GULP1: variants seen among roughly 807,000 people sequenced by gnomAD.
GULP1 encodes GULP PTB domain containing engulfment adaptor 1.
Under a neutral mutation model 40.9 loss-of-function variants are expected in GULP1, and 19 were observed. The ratio of observed to expected loss-of-function variants is 0.46; its 90% CI spans 0.32 to 0.68. GULP1 has a LOEUF of 0.68. GULP1 is among the 30% of genes least tolerant of loss of function. The pLI, the probability that GULP1 is intolerant of heterozygous loss-of-function variation, is 0.03. For synonymous variants in GULP1, 119 were observed against 117.6 expected (o/e 1.01, Z -0.08); for missense variants, 312 against 362.2 (o/e 0.86, Z 1.12).
At chr2:188,545,058 G>C (rs548697020) in intron 7 of GULP1, among the ~76,000 whole-genome samples, 1 of 151,936 alleles carries the variant, frequency 6.6e-6, no homozygotes, top group East Asian at 1.9e-4. Context: ...AAACCATGAA[G>C]GCAAGAAGGA....
At chr2:188,449,085 T>G (rs2058630249) in intron 2 of GULP1, among the ~76,000 whole-genome samples, 1 of 152,140 alleles carries the variant, frequency 6.6e-6, no homozygotes, top group Non-Finnish European at 1.5e-5. Context: ...ACAGAAAATA[T>G]GTGAAAGTGC....
At chr2:188,308,114 T>A (rs1444960238) in intron 1 of GULP1, among the ~76,000 whole-genome samples, 1 of 19,004 alleles carries the variant, frequency 5.3e-5, no homozygotes, top group Admixed American at 6.3e-4. Context: ...TTTTAGGTCA[T>A]TTTTTTTTTT....
intron 1 of GULP1, among the ~76,000 whole-genome samples, chr2:188,379,145 C>T (rs1459060303): frequency 6.6e-6 from 1 of 152,068 alleles, no homozygotes. Context: ...ATTTCCTGCC[C>T]TTGAGAGCTT....
intron 5 of GULP1, among the ~76,000 whole-genome samples, chr2:188,523,257 A>G (rs1185661639): frequency 1.3e-5 from 2 of 152,318 alleles, no homozygotes; most frequent in East Asian, 3.9e-4. Context: ...AGAATTTTGC[A>G]GTGACACTGT....
chr2:188,507,886 T>C (rs1456327797), intron 4 of GULP1, among the ~76,000 whole-genome samples: 1 of 152,020 alleles, frequency 6.6e-6, no homozygotes, highest in African/African-American at 2.4e-5. Context: ...AAATATTTGA[T>C]ATATTAATCA....
chr2:188,433,425 TTA>T (rs1267715847), intron 2 of GULP1, among the ~76,000 whole-genome samples: 1 of 152,050 alleles, frequency 6.6e-6, no homozygotes, highest in Non-Finnish European at 1.5e-5. Flanking sequence ...TTGAAATTGA[TTA>T]TGAGAGAAAA....
chr2:188,428,763 T>G (rs1295496929), intron 2 of GULP1, among the ~76,000 whole-genome samples: 1 of 152,142 alleles, frequency 6.6e-6, no homozygotes, highest in Non-Finnish European at 1.5e-5. Flanking sequence ...TTAACCAGAT[T>G]CAGGTGTTTC....
At chr2:188,305,846 T>C (rs891724798) in intron 1 of GULP1, among the ~76,000 whole-genome samples, 1 of 152,186 alleles carries the variant, frequency 6.6e-6, no homozygotes, top group African/African-American at 2.4e-5. Flanking sequence ...GGCGCAATCT[T>C]GGCTCACTGC....
intron 4 of GULP1, among the ~76,000 whole-genome samples, chr2:188,511,674 A>G (rs2064560115): frequency 6.6e-6 from 1 of 152,154 alleles, no homozygotes; most frequent in South Asian, 2.1e-4. Flanking sequence ...TTGGACTTAA[A>G]CATGGAAATT....
chr2:188,569,878 C>T (rs1034146704), intron 8 of GULP1, 150 bp from the exon 9 acceptor site: 1 of 516,772 alleles, frequency 1.9e-6, no homozygotes, highest in Non-Finnish European at 3.4e-6. Context: ...AATCCTCCAG[C>T]ATTTCCCAAG....
At chr2:188,454,215 A>G (rs751455202) in intron 2 of GULP1, among the ~76,000 whole-genome samples, 2 of 152,130 alleles carry the variant, frequency 1.3e-5, no homozygotes, top group African/African-American at 2.4e-5. Flanking sequence ...GAATAATTTT[A>G]TTGAGTGATG....
intron 1 of GULP1, among the ~76,000 whole-genome samples, chr2:188,352,652 T>A (rs911903570): frequency 2.6e-5 from 1 of 38,214 alleles, no homozygotes; most frequent in African/African-American, 1.4e-4. Flanking sequence ...ACACACACGG[T>A]TCTGTTTCTT....
At chr2:188,413,359 C>G (rs999082025) in intron 2 of GULP1, among the ~76,000 whole-genome samples, 2 of 152,146 alleles carry the variant, frequency 1.3e-5, no homozygotes, top group Non-Finnish European at 2.9e-5. Context: ...CTGTTGTTTC[C>G]TGACTTTAAT....
chr2:188,328,204 T>C (rs2041033603), intron 1 of GULP1, among the ~76,000 whole-genome samples: 1 of 152,108 alleles, frequency 6.6e-6, no homozygotes. Flanking sequence ...TGAGGTTATA[T>C]TTCTAGGGTT....
At chr2:188,567,675 G>T (rs1364252501) in intron 7 of GULP1, among the ~76,000 whole-genome samples, 2 of 152,040 alleles carry the variant, frequency 1.3e-5, no homozygotes, top group Admixed American at 1.3e-4. Flanking sequence ...TAGAGGATGG[G>T]TCAATAGGTG....
intron 1 of GULP1, among the ~76,000 whole-genome samples, chr2:188,313,066 G>C (rs2038451096): frequency 1.3e-5 from 2 of 152,072 alleles, no homozygotes; most frequent in Admixed American, 6.6e-5. Flanking sequence ...CCATTCTGTA[G>C]GTTGCCTGTT....
chr2:188,567,774 AAAG>A (rs1378428414), intron 7 of GULP1, among the ~76,000 whole-genome samples: 1 of 152,220 alleles, frequency 6.6e-6, no homozygotes, highest in East Asian at 1.9e-4. Flanking sequence ...AAATTTTTAA[AAAG>A]AAGAAGAAAA....
At chr2:188,409,896 A>G (rs1349158659) in intron 2 of GULP1, among the ~76,000 whole-genome samples, 1 of 152,230 alleles carries the variant, frequency 6.6e-6, no homozygotes, top group African/African-American at 2.4e-5. Context: ...AGCCAAAGCA[A>G]TCTAGAGCAA....
chr2:188,361,795 T>C (rs1224510281), intron 1 of GULP1, among the ~76,000 whole-genome samples: 5 of 152,132 alleles, frequency 3.3e-5, no homozygotes, highest in Non-Finnish European at 5.9e-5. Context: ...GTGACAACTA[T>C]CCTGTTCTAA....
Sources: allele counts gnomAD v4.1 joint callset (sites outside exome capture counted in the v4.1 genomes callset), GRCh38; gene constraint gnomAD v4.1.1; transcripts MANE v1.5; gene names NCBI Gene and HGNC (gene_info 2026-07-23, HGNC 2026-07-21).